The following TJAP1 variants were observed in gnomAD, a reference collection of about 807,000 sequenced individuals.
TJAP1 encodes tight junction-associated protein 1.
A neutral mutation model predicts 42.0 loss-of-function variants in TJAP1; 27 were observed. The observed-to-expected ratio is 0.64, with a 90% CI of 0.47 to 0.89. The LOEUF is 0.89. TJAP1 is among the 40% of genes least tolerant of loss of function. TJAP1 has a pLI of 0.00. For synonymous variants in TJAP1, 257 were observed against 288.4 expected (o/e 0.89, Z 1.10); for missense variants, 712 against 726.9 (o/e 0.98, Z 0.24).
At chr6:43,478,557 C>T (rs970711878) in intron 2 of TJAP1, 2 of 152,268 alleles carry the variant, frequency 1.3e-5, no homozygotes, top group Non-Finnish European at 2.9e-5. Context: ...ATCCCCATCA[C>T]TTCTTCACTT....
At chr6:43,501,498 T>C in intron 5 of TJAP1, 28 bp from the exon 6 acceptor site, 1 of 1,604,562 alleles carries the variant, frequency 6.2e-7, no homozygotes, top group Non-Finnish European at 8.5e-7. Context: ...CATACCCCTC[T>C]GCCCTTGATC....
intron 2 of TJAP1, among the ~76,000 whole-genome samples, chr6:43,482,794 A>G (rs1463345052): frequency 6.6e-6 from 1 of 152,192 alleles, no homozygotes; most frequent in Non-Finnish European, 1.5e-5. Flanking sequence ...ACACCAGTCT[A>G]TCTTCCATGG....
chr6:43,493,805 C>T (rs573938512), intron 2 of TJAP1, among the ~76,000 whole-genome samples: 1 of 152,198 alleles, frequency 6.6e-6, no homozygotes, highest in East Asian at 1.9e-4. Flanking sequence ...TCTCTCATAC[C>T]ACTCTGTCTC....
intron 8 of TJAP1, 120 bp downstream of exon 8, chr6:43,502,737 C>A: frequency 8.8e-7 from 1 of 1,140,312 alleles, no homozygotes; most frequent in Non-Finnish European, 1.3e-6. Context: ...CTTTCTCTTC[C>A]CTGTATGAGG....
Position 43,492,093 on chromosome 6 carries a change from A to G in TJAP1, c.-121-5788A>G, listed in dbSNP as rs550234497. On this transcript the variant is annotated intron_variant, in intron 2 of 10. Coordinates refer to ENST00000372449, the Ensembl canonical transcript of TJAP1. The surrounding 1 kb of genome is among the most constrained non-coding windows in gnomAD (Gnocchi z 4.2). ...GAGGGGTTGGTTTGCCTGGCTCTTTAGCCCCTTGTTCCTGTGAAGTGTTTG... is the reference window on the plus strand; with the variant it reads ...GAGGGGTTGGTTTGCCTGGCTCTTTGGCCCCTTGTTCCTGTGAAGTGTTTG... Among the ~76,000 whole-genome samples the G allele has an allele frequency of 1.8e-4, 27 of 152,260 alleles. No individual in the cohort carries two copies. Among genetic ancestry groups the G allele is most frequent in the Admixed American group, 7.2e-4 (11 of 15,298 alleles).
In TJAP1 at chr6:43,491,809, G is replaced by T. The variant is rs1787886520; in HGVS notation, c.-121-6072G>T. 6.6e-6 allele frequency among the ~76,000 whole-genome samples: 1 copy of T among 152,138 alleles called. No homozygotes were observed. The highest frequency in any genetic ancestry group is 2.4e-5 in the African/African-American group (1 of 41,422). On this transcript the variant is annotated intron_variant, in intron 2 of 10. Transcript: ENST00000372449. The surrounding 1 kb of genome is among the most constrained non-coding windows in gnomAD (Gnocchi z 4.6). Reference sequence around the variant, plus strand: ...AATGTATTATATATGAGTGTACTATGTACAAATAAACATTTATAGTACTAT... The same window carrying T: ...AATGTATTATATATGAGTGTACTATTTACAAATAAACATTTATAGTACTAT...
Position 43,491,622 on chromosome 6 carries a change from G to A in TJAP1, c.-121-6259G>A, listed in dbSNP as rs191962128. 2.5e-4 allele frequency among the ~76,000 whole-genome samples: 38 copies of A among 152,134 alleles called. No homozygotes were observed. The highest frequency in any genetic ancestry group is 8.9e-4 in the African/African-American group (37 of 41,486). ...AAATATCTTGATGAAAATGCACTAC[G>A]TCCAATAAATGAATATATGTACTAT... On this transcript the variant is annotated intron_variant, in intron 2 of 10. Coordinates refer to ENST00000372449, the Ensembl canonical transcript of TJAP1. The surrounding 1 kb of genome is among the most constrained non-coding windows in gnomAD (Gnocchi z 4.6).
rs763823752 is a variant in TJAP1 at position 43,505,475 on chromosome 6, A to G, written c.1294A>G (p.Thr432Ala). 1.4e-5 allele frequency: 23 copies of G among 1,613,570 alleles called. No homozygotes were observed. Among genetic ancestry groups the G allele is most frequent in the Admixed American group, 3.3e-5 (2 of 59,998 alleles). The change falls in exon 11 of 11, where the codon ACA becomes GCA. Residue 432 changes from threonine (T) to alanine (A), a missense_variant. This residue lies in a region of TJAP1 where 549 missense variants were observed against 528.2 expected (regional missense o/e 1.04). Coordinates refer to ENST00000372449, the Ensembl canonical transcript of TJAP1. This position sits in a 1 kb window ranked among gnomAD's most constrained non-coding sequence, Gnocchi z 5.5. ...ACCACCTGCTGCTGTGGCCCAGCGC[A>G]CAGCCTTTGGACGCGATGCCCTCCC...
chr6:43,497,439 G>A (rs542292566), intron 2 of TJAP1: 2 of 152,236 alleles, frequency 1.3e-5, no homozygotes, highest in Non-Finnish European at 2.9e-5. Flanking sequence ...GAAATGCTAG[G>A]TGCTCTCTTT....
In TJAP1 at chr6:43,503,169, C is replaced by T. The variant is rs1242927309; in HGVS notation, c.388-232C>T. 7.0e-6 allele frequency: 4 copies of T among 569,124 alleles called. No homozygotes were observed. In the East Asian group the frequency reaches 8.9e-5, roughly 13 times the overall value. The allele number at this position is 569,124 out of a possible 1,614,324, so 35.3% of individuals were successfully genotyped here. On this transcript the variant is annotated intron_variant, in intron 8 of 10. Transcript: ENST00000372449. ...TGGACAGCTCTTATACTGCCTGTGTCCTGGGCCCAGGTGGCAGGAAGTCAT... is the reference window on the plus strand; with the variant it reads ...TGGACAGCTCTTATACTGCCTGTGTTCTGGGCCCAGGTGGCAGGAAGTCAT...
chr6:43,493,148 C>T (rs1055005122), intron 2 of TJAP1, among the ~76,000 whole-genome samples: 5 of 152,156 alleles, frequency 3.3e-5, no homozygotes, highest in Non-Finnish European at 7.3e-5. Flanking sequence ...TACTAACTTC[C>T]GTTTGACTTT....
chr6:43,501,927 A>ACACACTCT lies in TJAP1; in HGVS notation c.290+241_290+242insACACTCTC, dbSNP rs1427610297. ...CACACACACACACACACACACACACACTCTCTCTCTCTCTCTCTCTCTCTC... is the reference window on the plus strand; with the variant it reads ...CACACACACACACACACACACACACACACACTCTCTCTCTCTCTCTCTCTCTCTCTCTC... On this transcript the variant is annotated intron_variant, in intron 6 of 10. Coordinates refer to ENST00000372449, the Ensembl canonical transcript of TJAP1. Among the ~76,000 whole-genome samples, 10 of 71,604 alleles carry ACACACTCT rather than the reference A, an allele frequency of 1.4e-4. 1 individual carries two copies. Among genetic ancestry groups the ACACACTCT allele is most frequent in the African/African-American group, 7.1e-4 (10 of 14,050 alleles). 47.0% of individuals were successfully genotyped at this position (71,604 alleles called of 152,430 possible).
At chr6:43,494,514 C>T (rs1414864062) in intron 2 of TJAP1, among the ~76,000 whole-genome samples, 5 of 145,652 alleles carry the variant, frequency 3.4e-5, no homozygotes, top group South Asian at 4.5e-4. Context: ...TCTCCCAGGG[C>T]ATAGCTGTTC....
rs1365681438 is a variant in TJAP1, at chr6:43,504,782, A to G, written c.601A>G (p.Met201Val). The change falls in exon 11 of 11, where the codon ATG becomes GTG. Residue 201 changes from methionine to valine, a missense_variant. Coordinates refer to ENST00000372449, the Ensembl canonical transcript of TJAP1. ...TCAGCTGCCCTGTGAGCTACAGGAC[A>G]TGGTTCGGAAACATTTGCACAGTGG... 3 of 1,613,530 alleles carry G rather than the reference A, an allele frequency of 1.9e-6. No homozygotes were observed. The highest frequency in any genetic ancestry group is 1.7e-4 in the Middle Eastern group (1 of 6,060).
chr6:43,503,669 G>A (rs200663198), exon 10 of TJAP1: 6 of 1,614,160 alleles, frequency 3.7e-6, no homozygotes, highest in Non-Finnish European at 5.1e-6. Flanking sequence ...CTCCTCAAGT[G>A]CAACAAGTCC....
chr6:43,499,233 G>A, intron 4 of TJAP1, 133 bp downstream of exon 4: 1 of 1,409,498 alleles, frequency 7.1e-7, no homozygotes, highest in Non-Finnish European at 9.6e-7. Flanking sequence ...GCAGGCCTGA[G>A]GTCTCCTAGC....
At chr6:43,483,642 T>C (rs570704691) in intron 2 of TJAP1, among the ~76,000 whole-genome samples, 1 of 152,266 alleles carries the variant, frequency 6.6e-6, no homozygotes, top group South Asian at 2.1e-4. Flanking sequence ...TAATGAATAG[T>C]GTGAAAGAAT....
chr6:43,478,122 C>T (rs1784594147), exon 2 of TJAP1: 1 of 152,262 alleles, frequency 6.6e-6, no homozygotes, highest in Non-Finnish European at 1.5e-5. Context: ...TTAGCAGCAT[C>T]TGCCCCAATT....
In TJAP1 at chr6:43,486,176, G is replaced by A. The variant is rs551466185; in HGVS notation, c.-122+7944G>A. ...GACGGGGTTTCGCCATTTTGGCCAG[G>A]CTAGTCTGGAACTCCTGACCTCAGG... On this transcript the variant is annotated intron_variant, in intron 2 of 10. Transcript: ENST00000372449. 9.0e-4 allele frequency among the ~76,000 whole-genome samples: 136 copies of A among 151,890 alleles called. 1 individual carries two copies. Among genetic ancestry groups the A allele is most frequent in the African/African-American group, 3.2e-3 (131 of 41,410 alleles).
Sources: allele counts gnomAD v4.1 joint callset (sites outside exome capture counted in the v4.1 genomes callset), GRCh38; gene constraint gnomAD v4.1.1; regional missense constraint gnomAD v4.1.1; non-coding constraint Gnocchi (gnomAD v3.1); transcripts MANE v1.5; gene names NCBI Gene and HGNC (gene_info 2026-07-23, HGNC 2026-07-21).